The following CRACDL variants were observed in gnomAD, a reference collection of about 807,000 sequenced individuals.
CRACDL encodes the protein CRACD-like protein.
CRACDL carries 26 observed loss-of-function variants against 70.6 expected under a neutral mutation model. The ratio of observed to expected loss-of-function variants is 0.37; its 90% CI spans 0.27 to 0.51. CRACDL has a LOEUF of 0.51. Ranked by LOEUF, CRACDL falls within the 20% of genes least tolerant of loss-of-function variation. The pLI, the probability that CRACDL is intolerant of heterozygous loss-of-function variation, is 0.94. For missense variants in CRACDL, 1,283 were observed against 1,376.9 expected, an observed-to-expected ratio of 0.93 and a Z score of 1.08; for synonymous variants, 618 against 615.2, an observed-to-expected ratio of 1.00 and a Z score of -0.07.
At chr2:98,871,695 C>T (rs2104598678) in intron 1 of CRACDL, among the ~76,000 whole-genome samples, 1 of 152,348 alleles carries the variant, frequency 6.6e-6, no homozygotes, top group South Asian at 2.1e-4. Flanking sequence ...ATTCTTATAA[C>T]AGTGTCCTGG....
chr2:98,909,979 C>A lies in CRACDL; in HGVS notation c.-11+25959G>T, dbSNP rs567457707. Among the ~76,000 whole-genome samples, 16 of 152,264 alleles carry A rather than the reference C, an allele frequency of 1.1e-4. No individual in the cohort carries two copies. In the South Asian group the frequency reaches 1.9e-3, roughly 18 times the overall value. ...TGGCTGCATTTTGCCCCGATTCCCA[C>A]CCCTCCGGATTAGTACATCATGAGT... On this transcript the variant is annotated intron_variant, in intron 1 of 9. Coordinates refer to ENST00000397899, the MANE Select transcript of CRACDL (RefSeq NM_207362.3).
intron 1 of CRACDL, among the ~76,000 whole-genome samples, chr2:98,859,380 T>C (rs1238340065): frequency 1.3e-5 from 2 of 151,876 alleles, no homozygotes; most frequent in Non-Finnish European, 2.9e-5. Context: ...TTAATGGAGG[T>C]ATAAAAAATA....
At chr2:98,810,203 C>T (rs180732103) in intron 7 of CRACDL, among the ~76,000 whole-genome samples, 13 of 152,196 alleles carry the variant, frequency 8.5e-5, no homozygotes, top group South Asian at 2.1e-4. Context: ...GAGTGAAGTA[C>T]GCTCAATATG....
chr2:98,840,794 A>G (rs1306225050), intron 2 of CRACDL: 2 of 152,204 alleles, frequency 1.3e-5, no homozygotes, highest in Admixed American at 6.5e-5. Flanking sequence ...TGGGGAAATG[A>G]ACATTTTGTG....
intron 1 of CRACDL, chr2:98,897,477 T>C: frequency 9.6e-7 from 1 of 1,041,248 alleles, no homozygotes; most frequent in Non-Finnish European, 1.3e-6. Context: ...AATCAGTGAC[T>C]TCTGCTGAAA....
intron 1 of CRACDL, among the ~76,000 whole-genome samples, chr2:98,889,130 A>G (rs1256615946): frequency 6.6e-6 from 1 of 151,134 alleles, no homozygotes. Context: ...CTGTCAAAAA[A>G]AAAAGGGGGG....
chr2:98,808,189 C>G (rs866449967), intron 7 of CRACDL, among the ~76,000 whole-genome samples: 5 of 152,324 alleles, frequency 3.3e-5, no homozygotes, highest in South Asian at 2.1e-4. Context: ...GCCATTATTC[C>G]AGACGTACTG....
intron 1 of CRACDL, among the ~76,000 whole-genome samples, chr2:98,864,321 C>T (rs1191783917): frequency 2.0e-5 from 3 of 152,198 alleles, no homozygotes; most frequent in African/African-American, 7.2e-5. Flanking sequence ...AGGCCACATA[C>T]TGCATGATTC....
intron 1 of CRACDL, among the ~76,000 whole-genome samples, chr2:98,900,615 G>A (rs78850074): frequency 0.038 from 5,757 of 152,184 alleles, 362 homozygotes; most frequent in African/African-American, 0.13. Context: ...GTGTGGGCGT[G>A]TGCATGCGTG....
chr2:98,890,514 G>A (rs571370798), intron 1 of CRACDL, among the ~76,000 whole-genome samples: 8 of 152,260 alleles, frequency 5.3e-5, no homozygotes, highest in South Asian at 2.1e-4. Context: ...AAAACTTCCC[G>A]CAAAGAAAAG....
chr2:98,812,176 T>C (rs1367786817), intron 7 of CRACDL, among the ~76,000 whole-genome samples: 2 of 152,232 alleles, frequency 1.3e-5, no homozygotes, highest in Non-Finnish European at 2.9e-5. Flanking sequence ...GGTTTCACCA[T>C]GTTGGCCATG....
intron 2 of CRACDL, among the ~76,000 whole-genome samples, chr2:98,843,701 T>C (rs1706130860): frequency 6.6e-6 from 1 of 152,362 alleles, no homozygotes; most frequent in African/African-American, 2.4e-5. Context: ...TTTTGAACTC[T>C]ACTCCCTTCT....
chr2:98,853,621 A>C (rs1280970295), intron 1 of CRACDL, among the ~76,000 whole-genome samples: 3 of 152,208 alleles, frequency 2.0e-5, no homozygotes, highest in Non-Finnish European at 4.4e-5. Flanking sequence ...ATGTGGGTAA[A>C]TATTAAAAAG....
At chr2:98,876,473 G>A (rs1351663416) in intron 1 of CRACDL, among the ~76,000 whole-genome samples, 1 of 152,132 alleles carries the variant, frequency 6.6e-6, no homozygotes, top group African/African-American at 2.4e-5. Flanking sequence ...GTCAGCAGCG[G>A]CATTAGATTC....
In CRACDL at chr2:98,827,098, T is replaced by G. The variant is rs917598420; in HGVS notation, c.612A>C (p.Ala204=). 5.0e-6 allele frequency: 8 copies of G among 1,614,016 alleles called. No homozygotes were observed. Among genetic ancestry groups the G allele is most frequent in the Non-Finnish European group, 5.9e-6 (7 of 1,180,014 alleles). ...VSARISDNSL[A]PVADFSYPAE... ...CAGGATAACTGAAGTCAGCCACTGGTGCCAGGCTGTTGTCTGAGATCCGGG... is the reference window on the plus strand; with the variant it reads ...CAGGATAACTGAAGTCAGCCACTGGGGCCAGGCTGTTGTCTGAGATCCGGG... The change falls in exon 6 of 10, where the codon GCA becomes GCC. Residue 204 remains alanine (A), a synonymous_variant. Coordinates refer to ENST00000397899, the MANE Select transcript of CRACDL (RefSeq NM_207362.3).
intron 7 of CRACDL, among the ~76,000 whole-genome samples, chr2:98,803,773 C>A (rs943299331): frequency 6.6e-6 from 1 of 152,228 alleles, no homozygotes; most frequent in Non-Finnish European, 1.5e-5. Context: ...GCCAGCTGTG[C>A]TAGAACAGTC....
chr2:98,870,885 A>AGT lies in CRACDL; in HGVS notation c.-10-24077_-10-24076dup, dbSNP rs151063158. On this transcript the variant is annotated intron_variant, in intron 1 of 9. Coordinates refer to ENST00000397899, the MANE Select transcript of CRACDL (RefSeq NM_207362.3). ...AGCATACAGGTCATGCCCAGCACAGAGTGGCCCAATGCCCGAACAAGACAT... is the reference window on the plus strand; with the variant it reads ...AGCATACAGGTCATGCCCAGCACAGAGTGTGGCCCAATGCCCGAACAAGACAT... Among the ~76,000 whole-genome samples the AGT allele has an allele frequency of 2.2e-3, 339 of 152,336 alleles. 10 individuals are homozygous for AGT. The East Asian group carries it at 0.06, about 27-fold the overall frequency.
At chr2:98,797,152 A>C (rs1457075986) in intron 8 of CRACDL, among the ~76,000 whole-genome samples, 198 bp downstream of exon 8, 1 of 152,252 alleles carries the variant, frequency 6.6e-6, no homozygotes, top group African/African-American at 2.4e-5. Context: ...GGCAGGCAGA[A>C]TGCTCCACCA....
Position 98,822,539 on chromosome 2 carries a change from CG to C in CRACDL, c.1733del (p.Ser578CysfsTer126). On this transcript the variant is annotated frameshift_variant, in exon 7 of 10. Transcript: ENST00000397899. LOFTEE classifies it high-confidence loss of function. The surrounding 1 kb of genome is among the most constrained non-coding windows in gnomAD (Gnocchi z 4.9). ...LRGAKKFSVSSCRARPRPGVS... is the reference protein window; with the variant it reads ...LRGAKKFSVSXCRARPRPGVS... ...CGCCCGGACGAGGCCGCGCTCGGCA[CG>C]AGGACACCGAGAACTTCTTCGCGCC... 6.8e-7 allele frequency: 1 copy of C among 1,465,922 alleles called. No homozygotes were observed. The highest frequency in any genetic ancestry group is 9.0e-7 in the Non-Finnish European group (1 of 1,116,648). 90.8% of individuals were successfully genotyped at this position (1,465,922 alleles called of 1,614,324 possible).
Sources: allele counts gnomAD v4.1 joint callset (sites outside exome capture counted in the v4.1 genomes callset), GRCh38; gene constraint gnomAD v4.1.1; non-coding constraint Gnocchi (gnomAD v3.1); transcripts MANE v1.5; gene names NCBI Gene and HGNC (gene_info 2026-07-23, HGNC 2026-07-21).